PKNOX2: variants seen among roughly 807,000 people sequenced by gnomAD.
PKNOX2 encodes homeobox protein PKNOX2.
A neutral mutation model predicts 53.1 loss-of-function variants in PKNOX2; 14 were observed. The observed-to-expected ratio is 0.26, with a 90% CI of 0.17 to 0.41. PKNOX2 has a LOEUF of 0.41. Among genes scored for constraint, PKNOX2 ranks in the 10% least tolerant of loss-of-function variants. The pLI, the probability that PKNOX2 is intolerant of heterozygous loss-of-function variation, is 1.00. For synonymous variants in PKNOX2, 257 were observed against 242.8 expected (o/e 1.06, Z -0.54); for missense variants, 496 against 602.8 (o/e 0.82, Z 1.85).
intron 2 of PKNOX2, chr11:125,287,708 G>A (rs2135888674): frequency 6.6e-6 from 1 of 152,388 alleles, no homozygotes; most frequent in South Asian, 2.1e-4. Context: ...GGGAACAAAT[G>A]AATCTTCTTC....
At chr11:125,173,436 T>C (rs1175290919) in intron 1 of PKNOX2, among the ~76,000 whole-genome samples, 1 of 152,202 alleles carries the variant, frequency 6.6e-6, no homozygotes, top group African/African-American at 2.4e-5. Context: ...TTATCTTCTA[T>C]GATGATGGTT....
chr11:125,324,317 G>T (rs11606117), intron 2 of PKNOX2, among the ~76,000 whole-genome samples: 10,476 of 152,154 alleles, frequency 0.069, 441 homozygotes, highest in East Asian at 0.21. Flanking sequence ...CAAAGTTGCT[G>T]CAAGGCTTAA....
intron 1 of PKNOX2, among the ~76,000 whole-genome samples, chr11:125,214,848 G>A (rs76737925): frequency 0.025 from 3,792 of 152,070 alleles, 148 homozygotes; most frequent in African/African-American, 0.086. Flanking sequence ...TCCACTCCGA[G>A]AACCCCTCTC....
At chr11:125,396,609 A>G (rs1954420138) in intron 6 of PKNOX2, among the ~76,000 whole-genome samples, 1 of 151,770 alleles carries the variant, frequency 6.6e-6, no homozygotes, top group African/African-American at 2.4e-5. Flanking sequence ...CTATAAGCTT[A>G]GAAAATATTC....
At chr11:125,310,134 G>A (rs1948715292) in intron 2 of PKNOX2, among the ~76,000 whole-genome samples, 1 of 152,172 alleles carries the variant, frequency 6.6e-6, no homozygotes, top group African/African-American at 2.4e-5. Context: ...GGGCAATAAA[G>A]TTAGTTTGAC....
At chr11:125,283,147 A>G (rs1946676486) in intron 2 of PKNOX2, among the ~76,000 whole-genome samples, 1 of 151,506 alleles carries the variant, frequency 6.6e-6, no homozygotes, top group South Asian at 2.1e-4. Flanking sequence ...AGGAGACTCC[A>G]TCTCAAAAAA....
intron 3 of PKNOX2, among the ~76,000 whole-genome samples, chr11:125,340,954 G>A (rs1950649594): frequency 6.6e-6 from 1 of 151,258 alleles, no homozygotes; most frequent in South Asian, 2.1e-4. Context: ...GGAGACTGAG[G>A]TGGGAGAATC....
At chr11:125,266,781 G>A (rs1425347489) in intron 2 of PKNOX2, 1 of 152,244 alleles carries the variant, frequency 6.6e-6, no homozygotes, top group Non-Finnish European at 1.5e-5. Context: ...TGCAAGGTCT[G>A]GAGGTCAGGA....
chr11:125,186,049 G>GT (rs58819944), intron 1 of PKNOX2, among the ~76,000 whole-genome samples: 67,156 of 149,070 alleles, frequency 0.45, 15,001 homozygotes, highest in East Asian at 0.54. Context: ...GTTATTCTCT[G>GT]TTTTTTTTTT....
At chr11:125,351,672 C>A (rs1951334050) in intron 4 of PKNOX2, among the ~76,000 whole-genome samples, 1 of 152,164 alleles carries the variant, frequency 6.6e-6, no homozygotes, top group South Asian at 2.1e-4. Flanking sequence ...CATCAGACAG[C>A]AGACAAGCGC....
intron 2 of PKNOX2, among the ~76,000 whole-genome samples, chr11:125,289,866 G>T (rs1056887574): frequency 6.6e-6 from 1 of 152,228 alleles, no homozygotes. Flanking sequence ...GGCCCTTGCA[G>T]CCTGGAGGCT....
intron 7 of PKNOX2, among the ~76,000 whole-genome samples, chr11:125,401,710 CAGGTCTTGGGTTCA>C (rs1434154569): frequency 6.6e-6 from 1 of 151,930 alleles, no homozygotes; most frequent in East Asian, 1.9e-4. Context: ...GTGCAGGAGG[CAGGTCTTGGGTTCA>C]AGACACAGGA....
intron 5 of PKNOX2, among the ~76,000 whole-genome samples, chr11:125,380,595 C>T (rs950496225): frequency 6.6e-6 from 1 of 152,196 alleles, no homozygotes; most frequent in African/African-American, 2.4e-5. Flanking sequence ...CTGCTTCTAG[C>T]CCATGGAGGA....
chr11:125,223,786 G>A (rs1322916155), intron 1 of PKNOX2, among the ~76,000 whole-genome samples: 1 of 152,186 alleles, frequency 6.6e-6, no homozygotes, highest in South Asian at 2.1e-4. Flanking sequence ...CTATTGAATA[G>A]CTAAATCACA....
chr11:125,417,598 T>C (rs1955953740), intron 10 of PKNOX2, among the ~76,000 whole-genome samples: 1 of 152,046 alleles, frequency 6.6e-6, no homozygotes, highest in African/African-American at 2.4e-5. Flanking sequence ...CCCGGACCTA[T>C]GCAACGGGAG....
Position 125,329,268 on chromosome 11 carries a change from AAAG to A in PKNOX2, c.-129-2547_-129-2545del, listed in dbSNP as rs146933930. Among the ~76,000 whole-genome samples the A allele has an allele frequency of 9.0e-3, 1,364 of 152,376 alleles. 6 individuals carry two copies. Among genetic ancestry groups the A allele is most frequent in the Non-Finnish European group, 0.015 (1,048 of 68,042 alleles). ...ATGAAAATATGATACTGCTTTTAAA[AAAG>A]AAGCATTTTACTCCAAATATTAACT... On this transcript the variant is annotated intron_variant, in intron 2 of 12. Coordinates refer to ENST00000298282, the MANE Select transcript of PKNOX2 (RefSeq NM_001382323.2).
chr11:125,231,446 A>G (rs1413100197), intron 1 of PKNOX2, among the ~76,000 whole-genome samples: 1 of 152,222 alleles, frequency 6.6e-6, no homozygotes, highest in Non-Finnish European at 1.5e-5. Context: ...TTATGATTCC[A>G]TTTTATTTTC....
chr11:125,220,636 C>T (rs554613379), intron 1 of PKNOX2, among the ~76,000 whole-genome samples: 1 of 152,316 alleles, frequency 6.6e-6, no homozygotes, highest in South Asian at 2.1e-4. Context: ...AATCATTTCA[C>T]CTCTTGAACC....
intron 1 of PKNOX2, among the ~76,000 whole-genome samples, chr11:125,174,709 G>A (rs924375672): frequency 1.3e-5 from 2 of 152,112 alleles, no homozygotes; most frequent in African/African-American, 4.8e-5. Context: ...CTTGTTGAGA[G>A]GGACCCTGCA....
Sources: allele counts gnomAD v4.1 joint callset (sites outside exome capture counted in the v4.1 genomes callset), GRCh38; gene constraint gnomAD v4.1.1; transcripts MANE v1.5; gene names NCBI Gene and HGNC (gene_info 2026-07-23, HGNC 2026-07-21).